BRD2: variants seen among roughly 807,000 people sequenced by gnomAD.
The protein encoded by BRD2 is bromodomain containing 2, also known as bromodomain-containing protein 2.
A neutral mutation model predicts 79.1 loss-of-function variants in BRD2; 15 were observed. That is an observed-to-expected ratio of 0.19 (90% confidence interval 0.13 to 0.29). The LOEUF (loss-of-function observed/expected upper bound fraction) is 0.29. Ranked by LOEUF, BRD2 falls within the 10% of genes least tolerant of loss-of-function variation. The pLI is 1.00. For missense variants in BRD2, 1,053 were observed against 991.3 expected, an observed-to-expected ratio of 1.06 and a Z score of -0.84; for synonymous variants, 488 against 358.6, an observed-to-expected ratio of 1.36 and a Z score of -4.08.
chr6:32,980,214 C>T, intron 11 of BRD2, 82 bp downstream of exon 11: 2 of 1,573,578 alleles, frequency 1.3e-6, no homozygotes, highest in Non-Finnish European at 1.7e-6. Context: ...TCAGGATTGT[C>T]AGCTCCCAGG....
At chr6:32,974,397 AT>A in intron 2 of BRD2, 64 bp from the exon 3 acceptor site, 1 of 1,516,812 alleles carries the variant, frequency 6.6e-7, no homozygotes, top group Non-Finnish European at 9.0e-7. Flanking sequence ...TCATCAGACT[AT>A]TGTGCAGATG....
Position 32,972,799 on chromosome 6 carries a change from C to G in BRD2, c.-100C>G. 6.3e-7 allele frequency: 1 copy of G among 1,575,638 alleles called. No individual in the cohort carries two copies. Among genetic ancestry groups the G allele is most frequent in the Non-Finnish European group, 8.7e-7 (1 of 1,151,642 alleles). ...CCTGGAGGCCCAAGAGGAACGGCCT[C>G]CCCCCAACTTAGCGGGTTATGCTGG... On this transcript the variant is annotated 5_prime_UTR_variant, in exon 2 of 13. Transcript: ENST00000374825.
chr6:32,977,236 C>T, intron 7 of BRD2: 1 of 1,533,018 alleles, frequency 6.5e-7, no homozygotes, highest in Non-Finnish European at 8.7e-7. Flanking sequence ...CTCTCTGTCA[C>T]TTAGAAATGA....
At chr6:32,973,053 G>T in intron 2 of BRD2, 126 bp downstream of exon 2, 1 of 1,603,294 alleles carries the variant, frequency 6.2e-7, no homozygotes, top group Non-Finnish European at 8.5e-7. Context: ...CTGTCGACTC[G>T]GTCGCGCGGA....
intron 4 of BRD2, 137 bp from the exon 5 acceptor site, chr6:32,975,894 C>A (rs1718753071): frequency 9.2e-7 from 1 of 1,085,770 alleles, no homozygotes. Context: ...AGGAAATTTT[C>A]TTTAAGATTT....
chr6:32,976,741 GCAA>G lies in BRD2; in HGVS notation c.1011_1013del (p.Gln337del). 1 of 1,613,280 alleles carries G rather than the reference GCAA, an allele frequency of 6.2e-7. No individual in the cohort carries two copies. On this transcript the variant is annotated inframe_deletion, in exon 7 of 13. Coordinates refer to ENST00000374825, the MANE Select transcript of BRD2 (RefSeq NM_005104.4). ...CACGCAAAGACTTGCCTGACTCTCA[GCAA>G]CAACACCAGAGCTCTAAGAAAGGAA... is the stretch of plus-strand genomic sequence containing the variant.
intron 1 of BRD2, 29 bp from the exon 2 acceptor site, chr6:32,971,566 C>T (rs1777979934): frequency 8.7e-6 from 4 of 460,114 alleles, no homozygotes; most frequent in South Asian, 4.4e-5. Flanking sequence ...GCCGCGGCTT[C>T]TAAGATGGCG....
At position 32,976,049 on chromosome 6, in the gene BRD2, C is replaced by A. The variant is rs1778700539; in HGVS notation, c.490C>A (p.Leu164Ile). Residue 164 changes from leucine (L) to isoleucine (I), a missense_variant, in exon 5 of 13, where the codon CTA (leucine) becomes ATA (isoleucine). By Grantham distance (5) the Leu-to-Ile change is conservative. Transcript: ENST00000374825. ...CTCATAGCCCACTGATGATATTGTC[C>A]TAATGGCACAAACGCTGGAAAAGAT... ...IYNKPTDDIV[L>I]MAQTLEKIFL... 1 of 1,609,990 alleles carries A rather than the reference C, an allele frequency of 6.2e-7. No individual in the cohort carries two copies. Among genetic ancestry groups the A allele is most frequent in the Non-Finnish European group, 8.5e-7 (1 of 1,179,068 alleles).
chr6:32,981,073 T>C lies in BRD2; in HGVS notation c.*355T>C, dbSNP rs1388792363. 4.8e-6 allele frequency: 1 copy of C among 210,078 alleles called. No homozygotes were observed. Among genetic ancestry groups the C allele is most frequent in the Non-Finnish European group, 9.7e-6 (1 of 102,920 alleles). 13.0% of individuals were successfully genotyped at this position (210,078 alleles called of 1,614,324 possible). A position where few individuals can be genotyped will look rare whatever the true frequency, so the allele number is the denominator to read the frequency against. Reference sequence around the variant, plus strand: ...AGGGCCCTGTTTTGAGATTGTTTGTTCTAATTTATTTTAAGCTAGGTAAGG... The same window carrying C: ...AGGGCCCTGTTTTGAGATTGTTTGTCCTAATTTATTTTAAGCTAGGTAAGG... On this transcript the variant is annotated 3_prime_UTR_variant, in exon 13 of 13. Transcript: ENST00000374825.
rs915852197 is a variant in BRD2 at position 32,975,405 on chromosome 6, C to A, written c.355C>A (p.Gln119Lys). Residue 119 changes from glutamine (Q) to lysine (K), a missense_variant, in exon 4 of 13, where the codon CAG (glutamine) becomes AAG (lysine). Transcript: ENST00000374825. ...TTAGGATTATCACAAAATTATAAAA[C>A]AGCCTATGGACATGGGTACTATTAA... The part of the protein sequence containing the change: ...GLPDYHKIIK[Q>K]PMDMGTIKRR... The A allele has an allele frequency of 5.0e-6, 8 of 1,607,294 alleles. No individual in the cohort carries two copies. The highest frequency in any genetic ancestry group is 2.7e-5 in the African/African-American group (2 of 74,556).
rs376905369 is a variant in BRD2 at position 32,975,368 on chromosome 6, A to C, written c.334-16A>C. The C allele has an allele frequency of 1.3e-6, 2 of 1,594,612 alleles. No homozygotes were observed. Among genetic ancestry groups the C allele is most frequent in the South Asian group, 2.2e-5 (2 of 89,750 alleles). ...TTTATTTTTCTGTGGTTCTGACCTA[A>C]CATTTTTTTATTTAGGATTATCACA... On this transcript the variant is annotated splice_polypyrimidine_tract_variant and intron_variant, in intron 3 of 12. Transcript: ENST00000374825.
intron 7 of BRD2, chr6:32,977,149 T>C (rs1778869899): frequency 7.7e-7 from 1 of 1,299,626 alleles, no homozygotes; most frequent in Middle Eastern, 1.9e-4. Context: ...TTGAGAAAAA[T>C]ACTGTCTATA....
At chr6:32,973,192 A>G (rs1778266038) in intron 2 of BRD2, 7 of 1,523,576 alleles carry the variant, frequency 4.6e-6, no homozygotes, top group Non-Finnish European at 5.3e-6. Context: ...AGGCAGAGCT[A>G]GTTTGACGGT....
intron 2 of BRD2, 136 bp downstream of exon 2, chr6:32,973,063 A>C: frequency 6.3e-7 from 1 of 1,594,788 alleles, no homozygotes; most frequent in Non-Finnish European, 8.5e-7. Context: ...GGTCGCGCGG[A>C]GGGAATTGAG....
At chr6:32,974,347 G>C (rs1469015620) in intron 2 of BRD2, 115 bp from the exon 3 acceptor site, 2 of 1,037,366 alleles carry the variant, frequency 1.9e-6, no homozygotes, top group Non-Finnish European at 2.9e-6. Context: ...AGAAGCACTT[G>C]GCATAAGCTT....
rs200627256 is a variant in BRD2 at position 32,971,631 on chromosome 6, C to G, written c.-1268C>G. 2.3e-6 allele frequency: 1 copy of G among 438,070 alleles called. No homozygotes were observed. Among genetic ancestry groups the G allele is most frequent in the South Asian group, 5.2e-5 (1 of 19,204 alleles). The allele number at this position is 438,070 out of a possible 1,614,324, so 27.1% of individuals were successfully genotyped here. On this transcript the variant is annotated 5_prime_UTR_variant, in exon 2 of 13. Coordinates refer to ENST00000374825, the MANE Select transcript of BRD2 (RefSeq NM_005104.4). Reference sequence around the variant, plus strand: ...CTGCTGCCTTACCGCCGAGAACCACCACCCGCCAGGCGTCTTGCGGCCACA... The same window carrying G: ...CTGCTGCCTTACCGCCGAGAACCACGACCCGCCAGGCGTCTTGCGGCCACA...
At chr6:32,970,896 AG>A (rs1199407367) in intron 1 of BRD2, 1 of 148,412 alleles carries the variant, frequency 6.7e-6, no homozygotes, top group African/African-American at 2.5e-5. Flanking sequence ...GAGGAGGGGG[AG>A]GGCTAGTCTG....
rs1351227308 is a variant in BRD2, at chr6:32,972,372, C to G, written c.-527C>G. On this transcript the variant is annotated 5_prime_UTR_variant, in exon 2 of 13. Transcript: ENST00000374825. ...GCGGGCAGTACAGACCCCCTAGAAG[C>G]CCCTGGAGCTCCCCTTTTTCGGGCC... The G allele has an allele frequency of 3.3e-6, 1 of 305,134 alleles. No individual in the cohort carries two copies. The highest frequency in any genetic ancestry group is 6.3e-6 in the Non-Finnish European group (1 of 159,106). The allele number at this position is 305,134 out of a possible 1,614,324, so 18.9% of individuals were successfully genotyped here. A position where few individuals can be genotyped will look rare whatever the true frequency, so the allele number is the denominator to read the frequency against.
chr6:32,973,158 C>G (rs1430306684), intron 2 of BRD2: 1 of 1,545,650 alleles, frequency 6.5e-7, no homozygotes, highest in Non-Finnish European at 8.7e-7. Flanking sequence ...ATTAATGCCG[C>G]CGTGGCCCAG....
Sources: allele counts gnomAD v4.1 joint callset, GRCh38; gene constraint gnomAD v4.1.1; transcripts MANE v1.5; gene names NCBI Gene and HGNC (gene_info 2026-07-23, HGNC 2026-07-21).